Variants in RGL1 observed in about 807,000 individuals in gnomAD.
RGL1 encodes ral guanine nucleotide dissociation stimulator-like 1.
A neutral mutation model predicts 95.2 loss-of-function variants in RGL1; 24 were observed. The observed-to-expected ratio is 0.25, with a 90% confidence interval of 0.18 to 0.35. RGL1 has a LOEUF of 0.35. RGL1 is among the 10% of genes least tolerant of loss of function. RGL1 has a pLI of 1.00. For missense variants in RGL1, 715 were observed against 936.3 expected (o/e 0.76, Z 3.08); for synonymous variants, 329 against 344.9 (o/e 0.95, Z 0.51).
At chr1:183,752,911 G>A (rs1025822097) in intron 2 of RGL1, among the ~76,000 whole-genome samples, 4 of 151,982 alleles carry the variant, frequency 2.6e-5, no homozygotes, top group African/African-American at 9.7e-5. Flanking sequence ...TAACTGTTTA[G>A]ATCATCTCTA....
At chr1:183,758,673 A>G (rs78800390) in intron 2 of RGL1, among the ~76,000 whole-genome samples, 8,263 of 152,014 alleles carry the variant, frequency 0.054, 245 homozygotes, top group East Asian at 0.081. Context: ...TAAGGGCATG[A>G]ATCCCATTCA....
Position 183,926,388 on chromosome 1 carries a change from T to C in RGL1, c.*96T>C, listed in dbSNP as rs932799843. On this transcript the variant is annotated 3_prime_UTR_variant, in exon 18 of 18. Coordinates refer to ENST00000360851, the MANE Select transcript of RGL1 (RefSeq NM_001297671.3). Reference sequence around the variant, plus strand: ...ATTACCATCCGGTGTTCGAGGATCATTGGTGAAGTCAGCAGATATTTATTG... The same window carrying C: ...ATTACCATCCGGTGTTCGAGGATCACTGGTGAAGTCAGCAGATATTTATTG... 38 of 1,030,582 alleles carry C rather than the reference T, an allele frequency of 3.7e-5. No individual in the cohort carries two copies. The highest frequency in any genetic ancestry group is 5.2e-5 in the Non-Finnish European group (37 of 714,274). The allele number at this position is 1,030,582 out of a possible 1,614,324, so 63.8% of individuals were successfully genotyped here. A position where few individuals can be genotyped will look rare whatever the true frequency, so the allele number is the denominator to read the frequency against.
intron 15 of RGL1, among the ~76,000 whole-genome samples, chr1:183,913,567 A>G (rs1003763270): frequency 6.6e-6 from 1 of 152,212 alleles, no homozygotes; most frequent in African/African-American, 2.4e-5. Flanking sequence ...ACTATGACAT[A>G]ACTAGAATTT....
At chr1:183,861,945 A>G (rs1665534726) in intron 3 of RGL1, among the ~76,000 whole-genome samples, 1 of 152,242 alleles carries the variant, frequency 6.6e-6, no homozygotes, top group Non-Finnish European at 1.5e-5. Context: ...ATCTAGTAGT[A>G]CTGACTGTCA....
chr1:183,775,459 G>C (rs1233481252), intron 2 of RGL1, among the ~76,000 whole-genome samples: 2 of 152,198 alleles, frequency 1.3e-5, no homozygotes, highest in Non-Finnish European at 2.9e-5. Context: ...TTAAATGAAT[G>C]GATGAGTAAC....
In RGL1 at chr1:183,669,675, T is replaced by C. The variant is rs979822248; in HGVS notation, c.-33+33174T>C. On this transcript the variant is annotated intron_variant, in intron 1 of 18. Coordinates refer to the RGL1 transcript ENST00000304685. ...TAAGGTGTAGGAAGAAGGGGAAGTGTATTAGTTCATTTTCATACTGCTATG... is the reference window on the plus strand; with the variant it reads ...TAAGGTGTAGGAAGAAGGGGAAGTGCATTAGTTCATTTTCATACTGCTATG... Among the ~76,000 whole-genome samples the C allele has an allele frequency of 2.0e-5, 3 of 152,164 alleles. No individual in the cohort carries two copies. In the East Asian group the frequency reaches 5.8e-4, roughly 29 times the overall value.
intron 1 of RGL1, among the ~76,000 whole-genome samples, chr1:183,688,250 T>C (rs895265987): frequency 6.6e-6 from 1 of 152,202 alleles, no homozygotes; most frequent in African/African-American, 2.4e-5. Context: ...GCTACAAAGA[T>C]GCCAAGATCT....
chr1:183,734,448 A>G (rs1376939276), intron 1 of RGL1, among the ~76,000 whole-genome samples: 22 of 152,200 alleles, frequency 1.4e-4, no homozygotes. Flanking sequence ...ATGCTAGCCC[A>G]GTATCTGGTG....
chr1:183,854,394 A>T lies in RGL1; in HGVS notation c.347+6620A>T, dbSNP rs574845016. Among the ~76,000 whole-genome samples, 10 of 152,346 alleles carry T rather than the reference A, an allele frequency of 6.6e-5. No homozygotes were observed. The East Asian group carries it at 1.9e-3, about 29-fold the overall frequency. The stretch of plus-strand genomic sequence containing the variant: ...AGAGCACGGGTGGATTTAAGTAAGT[A>T]TAGTACCACCGTGGGAACAGAAACC... On this transcript the variant is annotated intron_variant, in intron 3 of 17. Transcript: ENST00000360851.
intron 2 of RGL1, among the ~76,000 whole-genome samples, chr1:183,809,867 G>A (rs1358628680): frequency 2.0e-5 from 3 of 152,192 alleles, no homozygotes; most frequent in Non-Finnish European, 4.4e-5. Flanking sequence ...TGAGGTGGGA[G>A]GATCGCGTGA....
intron 2 of RGL1, among the ~76,000 whole-genome samples, chr1:183,835,131 A>T (rs1175124867): frequency 1.3e-5 from 2 of 152,208 alleles, no homozygotes; most frequent in Non-Finnish European, 2.9e-5. Context: ...AATATCTAGT[A>T]AACAAAATGT....
intron 1 of RGL1, among the ~76,000 whole-genome samples, chr1:183,680,046 C>T (rs752938260): frequency 3.5e-4 from 53 of 151,992 alleles, no homozygotes; most frequent in Non-Finnish European, 4.6e-4. Flanking sequence ...TATCATTTGC[C>T]CACTTTTTGA....
At chr1:183,727,610 C>T (rs548998849) in intron 1 of RGL1, among the ~76,000 whole-genome samples, 4 of 152,018 alleles carry the variant, frequency 2.6e-5, no homozygotes, top group Middle Eastern at 3.4e-3. Context: ...TGCAGTAAGA[C>T]GAGGAAGAAA....
At chr1:183,856,662 G>A (rs55980100) in intron 3 of RGL1, among the ~76,000 whole-genome samples, 3,303 of 149,660 alleles carry the variant, frequency 0.022, 125 homozygotes, top group African/African-American at 0.078. Context: ...ATGTTAAGGT[G>A]TTTTTTAAAA....
At chr1:183,754,028 C>T (rs140942197) in intron 2 of RGL1, among the ~76,000 whole-genome samples, 95 of 151,630 alleles carry the variant, frequency 6.3e-4, no homozygotes, top group African/African-American at 2.1e-3. Flanking sequence ...GCACTACCAA[C>T]GGGAAACTAC....
chr1:183,697,948 A>G (rs1259698302), intron 1 of RGL1, among the ~76,000 whole-genome samples: 1 of 152,188 alleles, frequency 6.6e-6, no homozygotes, highest in Non-Finnish European at 1.5e-5. Context: ...AATTGCAGGC[A>G]GTAATGCATG....
chr1:183,756,640 C>T (rs1446023547), intron 2 of RGL1, among the ~76,000 whole-genome samples: 1 of 152,202 alleles, frequency 6.6e-6, no homozygotes, highest in Non-Finnish European at 1.5e-5. Flanking sequence ...TCTCTGTCCA[C>T]ACTATGCTAG....
chr1:183,793,843 T>TA (rs1287501372), intron 2 of RGL1, among the ~76,000 whole-genome samples: 6 of 151,584 alleles, frequency 4.0e-5, no homozygotes, highest in South Asian at 2.1e-4. Flanking sequence ...ATGGAGTTTG[T>TA]AAAAAAAACA....
intron 1 of RGL1, among the ~76,000 whole-genome samples, chr1:183,708,590 A>G (rs1468661716): frequency 6.6e-6 from 1 of 152,228 alleles, no homozygotes; most frequent in Non-Finnish European, 1.5e-5. Context: ...CTAGTGACAC[A>G]GAGGCAGTCC....
Sources: gnomAD v4.1 joint callset for allele counts (sites outside exome capture counted in the v4.1 genomes callset) on GRCh38, gnomAD v4.1.1 for gene constraint, MANE v1.5 for transcripts, NCBI Gene and HGNC (gene_info 2026-07-23, HGNC 2026-07-21) for gene names.